The following C16orf78 variants were observed in gnomAD, a reference collection of about 807,000 sequenced individuals.
C16orf78 encodes the protein chromosome 16 open reading frame 78.
In C16orf78, 19 loss-of-function variants were observed where a neutral mutation model predicts 27.3. The observed-to-expected ratio is 0.70, with a 90% CI of 0.49 to 1.02. The LOEUF (loss-of-function observed/expected upper bound fraction) is 1.02, where lower values mean the gene tolerates loss of function less well. Ranked by LOEUF, C16orf78 falls within the 50% of genes least tolerant of loss-of-function variation. C16orf78 has a pLI of 0.00. For missense variants in C16orf78, 339 were observed against 337.0 expected (o/e 1.01, Z -0.05); for synonymous variants, 130 against 116.1 (o/e 1.12, Z -0.77).
At chr16:49,379,026 C>T (rs1965256303) in intron 3 of C16orf78, among the ~76,000 whole-genome samples, 1 of 152,172 alleles carries the variant, frequency 6.6e-6, no homozygotes, top group Non-Finnish European at 1.5e-5. Context: ...TGAGCTTAGG[C>T]TGTGCCAGAT....
rs577411766 is a variant in C16orf78, at chr16:49,385,547, C to T, written c.394+6954C>T. Reference sequence around the variant, plus strand: ...CTTGGTGGCATGCGCCTCAGCTACTCGGGAGTCTGAGGCAGGAGAATTACT... The same window carrying T: ...CTTGGTGGCATGCGCCTCAGCTACTTGGGAGTCTGAGGCAGGAGAATTACT... On this transcript the variant is annotated intron_variant, in intron 3 of 4. Coordinates refer to ENST00000299191, the MANE Select transcript of C16orf78 (RefSeq NM_144602.4). Among the ~76,000 whole-genome samples the T allele has an allele frequency of 2.8e-4, 43 of 151,552 alleles. No individual in the cohort carries two copies. The South Asian group carries it at 8.2e-3, about 29-fold the overall frequency.
At chr16:49,398,061 G>T (rs1965495770) in intron 4 of C16orf78, among the ~76,000 whole-genome samples, 1 of 152,176 alleles carries the variant, frequency 6.6e-6, no homozygotes, top group Non-Finnish European at 1.5e-5. Context: ...CACAGCACTT[G>T]GATGAGACCG....
At chr16:49,374,260 T>C (rs533932859) in intron 1 of C16orf78, among the ~76,000 whole-genome samples, 171 bp downstream of exon 1, 1 of 152,324 alleles carries the variant, frequency 6.6e-6, no homozygotes, top group East Asian at 1.9e-4. Flanking sequence ...AATTAGTTAA[T>C]ATGATTAGGC....
intron 3 of C16orf78, among the ~76,000 whole-genome samples, chr16:49,387,863 AT>A (rs1168344457): frequency 2.6e-5 from 4 of 152,054 alleles, no homozygotes; most frequent in Admixed American, 2.6e-4. Flanking sequence ...ATATTCTCTG[AT>A]GGTTATTTGT....
Position 49,396,474 on chromosome 16 carries a change from C to T in C16orf78, c.446C>T (p.Pro149Leu), listed in dbSNP as rs753731381. ...CCAGAGTCCACTCAGCGGCCAAACC[C>T]ATTCCGTCGACAAAGCATTGTCTTA... ...VDPESTQRPNPFRRQSIVLDP... is the reference protein window; with the variant it reads ...VDPESTQRPNLFRRQSIVLDP... Residue 149 changes from proline to leucine, a missense_variant, in exon 4 of 5, where the codon CCA (proline) becomes CTA (leucine). Coordinates refer to ENST00000299191, the MANE Select transcript of C16orf78 (RefSeq NM_144602.4). 1.9e-6 allele frequency: 3 copies of T among 1,614,072 alleles called. No homozygotes were observed. Among genetic ancestry groups the T allele is most frequent in the Admixed American group, 1.7e-5 (1 of 60,014 alleles).
At chr16:49,379,694 C>G (rs539178523) in intron 3 of C16orf78, among the ~76,000 whole-genome samples, 1 of 152,050 alleles carries the variant, frequency 6.6e-6, no homozygotes, top group South Asian at 2.1e-4. Context: ...ATTTCTTAGT[C>G]GTGACAAACA....
chr16:49,375,752 T>C (rs1367581806), intron 1 of C16orf78, among the ~76,000 whole-genome samples: 2 of 152,222 alleles, frequency 1.3e-5, no homozygotes, highest in East Asian at 3.9e-4. Flanking sequence ...TATTTTACTC[T>C]AAGGTGCTAA....
chr16:49,375,342 A>T (rs11860353), intron 1 of C16orf78, among the ~76,000 whole-genome samples: 28,500 of 151,104 alleles, frequency 0.19, 2,855 homozygotes, highest in South Asian at 0.3. Flanking sequence ...AAAAAAAAAT[A>T]AAAAAAAATG....
intron 3 of C16orf78, among the ~76,000 whole-genome samples, chr16:49,389,984 G>A (rs1965394084): frequency 6.6e-6 from 1 of 152,084 alleles, no homozygotes; most frequent in Admixed American, 6.5e-5. Flanking sequence ...TATCCAGAAA[G>A]GTCTTTATTT....
intron 3 of C16orf78, among the ~76,000 whole-genome samples, chr16:49,386,116 G>T (rs894266706): frequency 4.6e-5 from 7 of 152,096 alleles, no homozygotes; most frequent in African/African-American, 1.7e-4. Context: ...AAAAAAAGAA[G>T]CTTGTCATAT....
chr16:49,395,801 C>A (rs1397152088), intron 3 of C16orf78, among the ~76,000 whole-genome samples: 1 of 152,154 alleles, frequency 6.6e-6, no homozygotes, highest in Admixed American at 6.5e-5. Context: ...GCTACCTCCT[C>A]TAGGCTCATT....
In C16orf78 at chr16:49,378,545, C is replaced by T. The variant is rs548363863; in HGVS notation, c.346C>T (p.Leu116Phe). The change falls in exon 3 of 5, where the codon CTC becomes TTC. Residue 116 changes from leucine (L) to phenylalanine (F), a missense_variant. Leu to Phe is a conservative substitution (Grantham distance 22, BLOSUM62 0). Transcript: ENST00000299191. ...LYGVEQKGKH[L>F]SMVPGSYIKD... ...TGGAGTGGAGCAAAAGGGGAAACAC[C>T]TCAGCATGGTCCCTGGCAGCTACAT... The T allele has an allele frequency of 6.2e-7, 1 of 1,613,672 alleles. No individual in the cohort carries two copies. The highest frequency in any genetic ancestry group is 1.1e-5 in the South Asian group (1 of 90,906).
intron 3 of C16orf78, among the ~76,000 whole-genome samples, chr16:49,379,478 C>T (rs1183625187): frequency 1.4e-5 from 2 of 141,674 alleles, no homozygotes; most frequent in Non-Finnish European, 3.0e-5. Flanking sequence ...CCCCATTGTA[C>T]CCAACAACAG....
intron 3 of C16orf78, among the ~76,000 whole-genome samples, chr16:49,379,036 T>G (rs1012832068): frequency 5.9e-5 from 9 of 152,160 alleles, no homozygotes; most frequent in Admixed American, 5.2e-4. Flanking sequence ...CTGTGCCAGA[T>G]CCCCAATTTC....
intron 3 of C16orf78, among the ~76,000 whole-genome samples, chr16:49,381,072 C>T (rs1965280531): frequency 6.6e-6 from 1 of 151,974 alleles, no homozygotes; most frequent in African/African-American, 2.4e-5. Flanking sequence ...AGTGTGATGC[C>T]TCCAGCTTTG....
intron 3 of C16orf78, among the ~76,000 whole-genome samples, chr16:49,395,724 T>A (rs1262386758): frequency 4.6e-5 from 7 of 152,216 alleles, no homozygotes; most frequent in Non-Finnish European, 8.8e-5. Flanking sequence ...CGATTCGCCC[T>A]TTTAAACCCA....
rs765929210 is a variant in C16orf78 at position 49,399,323 on chromosome 16, C to T, written c.*45C>T. On this transcript the variant is annotated 3_prime_UTR_variant, in exon 5 of 5. Coordinates refer to ENST00000299191, the MANE Select transcript of C16orf78 (RefSeq NM_144602.4). Reference sequence around the variant, plus strand: ...CCTTCAGGCTCCTTCTGTCATGGGACCCTTCACCTCCAGATGCCATCCTCT... The same window carrying T: ...CCTTCAGGCTCCTTCTGTCATGGGATCCTTCACCTCCAGATGCCATCCTCT... 3 of 1,603,246 alleles carry T rather than the reference C, an allele frequency of 1.9e-6. No individual in the cohort carries two copies. Among genetic ancestry groups the T allele is most frequent in the Non-Finnish European group, 2.6e-6 (3 of 1,173,342 alleles).
intron 3 of C16orf78, among the ~76,000 whole-genome samples, chr16:49,386,637 C>T (rs1260074504): frequency 6.6e-6 from 1 of 152,114 alleles, no homozygotes; most frequent in Non-Finnish European, 1.5e-5. Flanking sequence ...TCCTTTGTTC[C>T]CCTCTATGTG....
At chr16:49,377,089 A>G (rs927424687) in intron 1 of C16orf78, among the ~76,000 whole-genome samples, 4 of 151,968 alleles carry the variant, frequency 2.6e-5, no homozygotes, top group Non-Finnish European at 5.9e-5. Context: ...ATCCCTAATG[A>G]CCCTGCCCTC....
Sources: gnomAD v4.1 joint callset for allele counts (sites outside exome capture counted in the v4.1 genomes callset) on GRCh38, gnomAD v4.1.1 for gene constraint, MANE v1.5 for transcripts, NCBI Gene and HGNC (gene_info 2026-07-23, HGNC 2026-07-21) for gene names.